DLG2: variants seen among roughly 807,000 people sequenced by gnomAD.
The protein encoded by DLG2 is disks large homolog 2.
In DLG2, 45 loss-of-function variants were observed where a neutral mutation model predicts 132.5. That is an observed-to-expected ratio of 0.34 (90% CI 0.27 to 0.44). The LOEUF is 0.44. DLG2 is among the 20% of genes least tolerant of loss of function. The probability of loss-of-function intolerance (pLI) is 1.00; values close to 1 mark genes in which losing one functional copy is unlikely to be tolerated. For missense variants in DLG2, 1,045 were observed against 1,196.9 expected, an observed-to-expected ratio of 0.87 and a Z score of 1.87; for synonymous variants, 424 against 419.6, an observed-to-expected ratio of 1.01 and a Z score of -0.13.
chr11:83,862,880 T>C (rs1012805619), intron 16 of DLG2, among the ~76,000 whole-genome samples: 2 of 152,154 alleles, frequency 1.3e-5, no homozygotes, highest in African/African-American at 2.4e-5. Flanking sequence ...AGCCATCACT[T>C]GTTGAATATG....
At chr11:84,240,807 C>T (rs1433732523) in intron 8 of DLG2, among the ~76,000 whole-genome samples, 1 of 152,114 alleles carries the variant, frequency 6.6e-6, no homozygotes, top group Non-Finnish European at 1.5e-5. Context: ...TGTTTCAGGG[C>T]ACCTACAATA....
intron 11 of DLG2, among the ~76,000 whole-genome samples, chr11:84,001,390 G>T (rs567628498): frequency 6.6e-6 from 1 of 150,568 alleles, no homozygotes. Flanking sequence ...AATCAATGCA[G>T]CAAGAGAATG....
chr11:84,452,600 A>T (rs1018849032), intron 7 of DLG2, among the ~76,000 whole-genome samples: 4 of 151,748 alleles, frequency 2.6e-5, no homozygotes, highest in Non-Finnish European at 4.4e-5. Flanking sequence ...ACATAGTTTG[A>T]AGGTAGATCC....
intron 16 of DLG2, among the ~76,000 whole-genome samples, chr11:83,866,794 G>A (rs2062472308): frequency 6.6e-6 from 1 of 152,106 alleles, no homozygotes; most frequent in Non-Finnish European, 1.5e-5. Flanking sequence ...AGTGGATTCT[G>A]TGGCAGCCCT....
rs2077682598 is a variant in DLG2 at position 84,821,600 on chromosome 11, G to A, written c.358-286869C>T. 7.2e-5 allele frequency among the ~76,000 whole-genome samples: 10 copies of A among 139,470 alleles called. No individual in the cohort carries two copies. In the South Asian group the frequency reaches 2.2e-3, roughly 30 times the overall value. The allele number at this position is 139,470 out of a possible 152,430, so 91.5% of individuals were successfully genotyped here. The stretch of plus-strand genomic sequence containing the variant: ...GGGCCAGATTTAGCTCCTATGTATA[G>A]TTTGCTCACCTATGGTTCATACAAT... On this transcript the variant is annotated intron_variant, in intron 6 of 27. Transcript: ENST00000376104.
chr11:84,233,842 T>A (rs890280911), intron 8 of DLG2, among the ~76,000 whole-genome samples: 1 of 152,180 alleles, frequency 6.6e-6, no homozygotes, highest in Non-Finnish European at 1.5e-5. Flanking sequence ...TGCATCCTTG[T>A]CATCTGTGAG....
intron 6 of DLG2, among the ~76,000 whole-genome samples, chr11:84,692,741 G>T (rs924769143): frequency 6.6e-6 from 1 of 151,542 alleles, no homozygotes; most frequent in Non-Finnish European, 1.5e-5. Flanking sequence ...AGGCTTCACT[G>T]GCCACTATGT....
intron 11 of DLG2, among the ~76,000 whole-genome samples, chr11:83,997,889 T>C (rs2094134937): frequency 6.6e-6 from 1 of 151,772 alleles, no homozygotes; most frequent in Non-Finnish European, 1.5e-5. Flanking sequence ...TTTCAGGCTT[T>C]GGGAGGCCAT....
intron 7 of DLG2, among the ~76,000 whole-genome samples, chr11:84,380,054 A>G (rs561884847): frequency 6.6e-6 from 1 of 152,198 alleles, no homozygotes; most frequent in Admixed American, 6.5e-5. Flanking sequence ...AAAAAACAAA[A>G]CTAGAATTTT....
intron 6 of DLG2, among the ~76,000 whole-genome samples, chr11:85,106,568 T>G (rs1276106531): frequency 8.6e-5 from 13 of 151,972 alleles, no homozygotes; most frequent in Admixed American, 8.5e-4. Flanking sequence ...TCCCATGCAC[T>G]CCCTTCTGGA....
intron 3 of DLG2, among the ~76,000 whole-genome samples, chr11:85,350,047 A>G (rs1206484327): frequency 6.6e-6 from 1 of 152,184 alleles, no homozygotes; most frequent in African/African-American, 2.4e-5. Flanking sequence ...AAGCATTCCT[A>G]TTTCTCAACA....
At chr11:83,484,680 G>A (rs1352816841) in intron 21 of DLG2, among the ~76,000 whole-genome samples, 1 of 152,106 alleles carries the variant, frequency 6.6e-6, no homozygotes, top group Non-Finnish European at 1.5e-5. Context: ...CTATACAAAT[G>A]TCTTATCACC....
At chr11:84,842,850 T>A (rs994356731) in intron 6 of DLG2, among the ~76,000 whole-genome samples, 2 of 151,852 alleles carry the variant, frequency 1.3e-5, no homozygotes, top group Non-Finnish European at 2.9e-5. Flanking sequence ...ATACAGACTC[T>A]TTCTTGGTAT....
intron 4 of DLG2, among the ~76,000 whole-genome samples, chr11:85,168,225 A>T (rs1480189144): frequency 6.6e-6 from 1 of 152,160 alleles, no homozygotes; most frequent in Non-Finnish European, 1.5e-5. Flanking sequence ...AATATATACA[A>T]AAGTCACTAT....
intron 4 of DLG2, among the ~76,000 whole-genome samples, chr11:85,213,941 A>G (rs184675638): frequency 6.6e-6 from 1 of 152,224 alleles, no homozygotes; most frequent in East Asian, 1.9e-4. Context: ...AGCAGGTCAC[A>G]TTGCCACAGG....
intron 8 of DLG2, among the ~76,000 whole-genome samples, chr11:84,169,822 G>A (rs745895007): frequency 6.0e-5 from 9 of 151,194 alleles, no homozygotes; most frequent in Non-Finnish European, 1.3e-4. Context: ...ACAGTGAGCC[G>A]AGTTCACATC....
At chr11:84,609,533 G>A (rs2099591713) in intron 6 of DLG2, among the ~76,000 whole-genome samples, 1 of 152,056 alleles carries the variant, frequency 6.6e-6, no homozygotes, top group African/African-American at 2.4e-5. Context: ...CCAAGCCAAT[G>A]GAAACCTTGG....
intron 3 of DLG2, among the ~76,000 whole-genome samples, chr11:85,298,901 A>G (rs542579234): frequency 6.6e-6 from 1 of 152,178 alleles, no homozygotes; most frequent in Admixed American, 6.5e-5. Flanking sequence ...TAAGTGCTGT[A>G]CTGTACTTTC....
At chr11:85,379,404 C>T (rs994179536) in intron 3 of DLG2, among the ~76,000 whole-genome samples, 1 of 152,110 alleles carries the variant, frequency 6.6e-6, no homozygotes, top group Non-Finnish European at 1.5e-5. Context: ...AAAAAATCAT[C>T]TCCTAGTACA....
Sources: gnomAD v4.1 joint callset for allele counts (sites outside exome capture counted in the v4.1 genomes callset) on GRCh38, gnomAD v4.1.1 for gene constraint, MANE v1.5 for transcripts, NCBI Gene and HGNC (gene_info 2026-07-23, HGNC 2026-07-21) for gene names.